TAF3: variants seen among roughly 807,000 people sequenced by gnomAD.
The protein encoded by TAF3 is TATA-box binding protein associated factor 3.
A neutral mutation model predicts 80.6 loss-of-function variants in TAF3; 7 were observed. That is an observed-to-expected ratio of 0.09 (90% CI 0.05 to 0.16). The LOEUF (loss-of-function observed/expected upper bound fraction) is 0.16. Ranked by LOEUF, TAF3 falls within the 10% of genes least tolerant of loss-of-function variation. The pLI is 1.00. For missense variants in TAF3, 921 were observed against 1,140.2 expected (o/e 0.81, Z 2.77); for synonymous variants, 444 against 446.1 (o/e 1.00, Z 0.06).
intron 2 of TAF3, among the ~76,000 whole-genome samples, chr10:7,860,267 C>T (rs1456451430): frequency 6.7e-6 from 1 of 149,884 alleles, no homozygotes; most frequent in South Asian, 2.1e-4. Context: ...CAGAGCCAGA[C>T]CCTGTCTGGA....
intron 2 of TAF3, among the ~76,000 whole-genome samples, chr10:7,845,959 G>GTTTT (rs34163537): frequency 2.3e-5 from 3 of 130,936 alleles, no homozygotes; most frequent in East Asian, 2.2e-4. Context: ...GTGTGTTTTT[G>GTTTT]TTTTTTTTTT....
At chr10:7,892,502 A>T (rs1186097350) in intron 2 of TAF3, among the ~76,000 whole-genome samples, 1 of 152,248 alleles carries the variant, frequency 6.6e-6, no homozygotes, top group East Asian at 1.9e-4. Context: ...TTACAATAAG[A>T]TGTGATGATT....
At chr10:7,867,773 G>C (rs1206126084) in intron 2 of TAF3, among the ~76,000 whole-genome samples, 2 of 152,158 alleles carry the variant, frequency 1.3e-5, no homozygotes, top group Non-Finnish European at 2.9e-5. Flanking sequence ...TGAACAATAT[G>C]GGAGTTGGGG....
intron 4 of TAF3, among the ~76,000 whole-genome samples, chr10:7,985,207 C>G (rs1370407682): frequency 6.6e-6 from 1 of 152,152 alleles, no homozygotes; most frequent in East Asian, 1.9e-4. Flanking sequence ...GCCATGTTAC[C>G]CCAGCTGATT....
rs186088630 is a variant in TAF3 at position 7,823,901 on chromosome 10, G to A, written c.167-417G>A. ...GCCCACCTCGGCCTCTCAGTGCTGGGATTACAGGCGTGAGCCATCGCGCCC... is the reference window on the plus strand; with the variant it reads ...GCCCACCTCGGCCTCTCAGTGCTGGAATTACAGGCGTGAGCCATCGCGCCC... On this transcript the variant is annotated intron_variant, in intron 1 of 6. Transcript: ENST00000344293. 7.1e-4 allele frequency among the ~76,000 whole-genome samples: 107 copies of A among 151,388 alleles called. No homozygotes were observed. The Middle Eastern group carries it at 0.01, about 14-fold the overall frequency.
At chr10:7,928,163 G>T (rs1357901811) in intron 2 of TAF3, among the ~76,000 whole-genome samples, 1 of 151,936 alleles carries the variant, frequency 6.6e-6, no homozygotes, top group Non-Finnish European at 1.5e-5. Flanking sequence ...TTGACCTTCC[G>T]CAATGAAAGG....
rs756497795 is a variant in TAF3, at chr10:7,964,040, G to T, written c.530G>T (p.Gly177Val). 1 of 1,614,072 alleles carries T rather than the reference G, an allele frequency of 6.2e-7. No homozygotes were observed. The highest frequency in any genetic ancestry group is 8.5e-7 in the Non-Finnish European group (1 of 1,180,012). ...ATTATTAATGATGAGAATTTCCTGG[G>T]CAAGAGACCACTGGATAGTCCTGAA... ...EEIINDENFL[G>V]KRPLDSPEAE... Residue 177 changes from glycine to valine, a missense_variant, in exon 3 of 7, where the codon GGC becomes GTC. This residue lies in a region of TAF3 where 743 missense variants were observed against 821.0 expected (regional missense o/e 0.90). Transcript: ENST00000344293. The surrounding 1 kb of genome is among the most constrained non-coding windows in gnomAD (Gnocchi z 4.1).
chr10:7,999,941 G>A (rs2131434250), intron 4 of TAF3, among the ~76,000 whole-genome samples: 1 of 152,288 alleles, frequency 6.6e-6, no homozygotes, highest in South Asian at 2.1e-4. Flanking sequence ...ACTAGACTAT[G>A]GTCAACATTT....
chr10:7,866,427 A>C (rs1459458919), intron 2 of TAF3, among the ~76,000 whole-genome samples: 1 of 152,236 alleles, frequency 6.6e-6, no homozygotes, highest in African/African-American at 2.4e-5. Context: ...AGAAGGGAGC[A>C]CTTAAGCTGA....
At chr10:7,991,999 T>A (rs1674115003) in intron 4 of TAF3, among the ~76,000 whole-genome samples, 2 of 152,190 alleles carry the variant, frequency 1.3e-5, no homozygotes, top group African/African-American at 4.8e-5. Context: ...AAAGTAAAGG[T>A]GTATCTTTTA....
chr10:7,907,805 T>C (rs1837619578), intron 2 of TAF3, among the ~76,000 whole-genome samples: 1 of 152,186 alleles, frequency 6.6e-6, no homozygotes, highest in Non-Finnish European at 1.5e-5. Context: ...AGTGGGCCAA[T>C]GATTAGATCT....
At chr10:8,010,253 T>C (rs993413971) in intron 5 of TAF3, among the ~76,000 whole-genome samples, 2 of 152,226 alleles carry the variant, frequency 1.3e-5, no homozygotes, top group African/African-American at 4.8e-5. Context: ...TTCAAGCTTT[T>C]GGCTGAAAAG....
intron 4 of TAF3, among the ~76,000 whole-genome samples, chr10:8,003,591 C>T (rs1052256355): frequency 6.6e-6 from 1 of 152,182 alleles, no homozygotes; most frequent in African/African-American, 2.4e-5. Context: ...GATATGATTT[C>T]AGATTACACA....
rs1479967081 is a variant in TAF3 at position 7,863,625 on chromosome 10, A to AT, written c.409+39065_409+39066insT. Among the ~76,000 whole-genome samples, 16 of 90,028 alleles carry AT rather than the reference A, an allele frequency of 1.8e-4. 1 individual carries two copies. The highest frequency in any genetic ancestry group is 4.3e-4 in the African/African-American group (10 of 23,524). The allele number at this position is 90,028 out of a possible 152,430, so 59.1% of individuals were successfully genotyped here. Reference sequence around the variant, plus strand: ...ACTCTGTCTAAAAAAAAAAAAAAAAAAATATATATATATATATATATACAC... The same window carrying AT: ...ACTCTGTCTAAAAAAAAAAAAAAAAATAATATATATATATATATATATACAC... On this transcript the variant is annotated intron_variant, in intron 2 of 6. Transcript: ENST00000344293.
chr10:7,931,096 T>C (rs1014447587), intron 2 of TAF3, among the ~76,000 whole-genome samples: 15 of 152,186 alleles, frequency 9.9e-5, no homozygotes, highest in Non-Finnish European at 1.8e-4. Flanking sequence ...GCCTGGTGTT[T>C]TTAATTTTTG....
At chr10:7,836,847 A>G (rs939882023) in intron 2 of TAF3, among the ~76,000 whole-genome samples, 14 of 152,220 alleles carry the variant, frequency 9.2e-5, no homozygotes, top group Non-Finnish European at 4.4e-5. Flanking sequence ...AACACATCCC[A>G]CATTATAAAA....
At chr10:7,950,763 G>A (rs1838074282) in intron 2 of TAF3, among the ~76,000 whole-genome samples, 1 of 152,212 alleles carries the variant, frequency 6.6e-6, no homozygotes, top group Admixed American at 6.5e-5. Flanking sequence ...TGCCTTTGGT[G>A]TCAGCTCTCG....
intron 2 of TAF3, among the ~76,000 whole-genome samples, chr10:7,957,064 G>A (rs952375452): frequency 2.6e-5 from 4 of 152,016 alleles, no homozygotes; most frequent in Non-Finnish European, 5.9e-5. Context: ...TCTCACACGT[G>A]GGAAAAGCAA....
intron 2 of TAF3, among the ~76,000 whole-genome samples, chr10:7,898,284 T>A (rs1352756206): frequency 6.6e-6 from 1 of 152,138 alleles, no homozygotes; most frequent in African/African-American, 2.4e-5. Context: ...GGGTGGCTCA[T>A]GCTTGTAATC....
Sources: allele counts gnomAD v4.1 joint callset (sites outside exome capture counted in the v4.1 genomes callset), GRCh38; gene constraint gnomAD v4.1.1; regional missense constraint gnomAD v4.1.1; non-coding constraint Gnocchi (gnomAD v3.1); transcripts MANE v1.5; gene names NCBI Gene and HGNC (gene_info 2026-07-23, HGNC 2026-07-21).